Variants in ZNF583 observed in about 807,000 individuals in gnomAD.
The protein encoded by ZNF583 is zinc finger protein 583.
A neutral mutation model predicts 55.3 loss-of-function variants in ZNF583; 30 were observed. The ratio of observed to expected loss-of-function variants is 0.54; its 90% confidence interval spans 0.41 to 0.74. The LOEUF (loss-of-function observed/expected upper bound fraction) is 0.74. ZNF583 is among the 30% of genes least tolerant of loss of function. The pLI is 0.00. For synonymous variants in ZNF583, 208 were observed against 220.0 expected (o/e 0.95, Z 0.48); for missense variants, 504 against 664.7 (o/e 0.76, Z 2.66).
intron 2 of ZNF583, among the ~76,000 whole-genome samples, chr19:56,411,981 T>C (rs983753336): frequency 1.3e-5 from 2 of 152,160 alleles, no homozygotes; most frequent in Admixed American, 6.5e-5. Context: ...AAGAGTCATA[T>C]AAGAGTAGGG....
rs867775696 is a variant in ZNF583 at position 56,424,321 on chromosome 19, C to G, written c.1663C>G (p.Pro555Ala). ...ESFLTLSSPS[P>A]STSNQLPRPV... ...ATTCTTGACTCTTTCCTCTCCCTCA[C>G]CCTCCACATCAAATCAGTTGCCAAG... The change falls in exon 5 of 5, where the codon CCC becomes GCC. Residue 555 changes from proline (P) to alanine (A), a missense_variant. Around this residue, in one of 3 missense-constraint regions of ZNF583, gnomAD observed 63 missense variants for 56.5 expected, o/e 1.11. Coordinates refer to ENST00000333201, the MANE Select transcript of ZNF583 (RefSeq NM_152478.3). The G allele has an allele frequency of 8.8e-6, 14 of 1,594,306 alleles. 1 individual carries two copies. In the Middle Eastern group the frequency reaches 1.5e-3, roughly 170 times the overall value.
chr19:56,415,803 T>C (rs2042312251), intron 4 of ZNF583, among the ~76,000 whole-genome samples: 1 of 151,966 alleles, frequency 6.6e-6, no homozygotes, highest in Non-Finnish European at 1.5e-5. Context: ...TGACCTCAAA[T>C]GATCTGCCCA....
chr19:56,414,066 C>A lies in ZNF583; in HGVS notation c.117C>A (p.Tyr39Ter). The stretch of plus-strand genomic sequence containing the variant: ...ACAGGAAAGTGATGTTGGAGAACTA[C>A]AGGAGCTTGGTATCATTGGGTAAGG... ...NLYRKVMLEN[Y>*]RSLVSLGVSV... Residue 39 changes from tyrosine to a stop codon, truncating the protein, a stop_gained, in exon 3 of 5, where the codon TAC becomes TAA. Coordinates refer to ENST00000333201, the MANE Select transcript of ZNF583 (RefSeq NM_152478.3). LOFTEE classifies it high-confidence loss of function. The A allele has an allele frequency of 6.2e-7, 1 of 1,601,048 alleles. No homozygotes were observed. The highest frequency in any genetic ancestry group is 8.5e-7 in the Non-Finnish European group (1 of 1,174,476).
At position 56,414,311 on chromosome 19, in the gene ZNF583, C is replaced by A. The variant is rs368283461; in HGVS notation, c.137-34C>A. The A allele has an allele frequency of 3.1e-6, 5 of 1,602,886 alleles. No homozygotes were observed. The South Asian group carries it at 4.4e-5, about 14-fold the overall frequency. ...GCAGAAACTTGATCTTATTTATAGACCTGCCTAATTCCCCTTTTGTTTTTT... is the reference window on the plus strand; with the variant it reads ...GCAGAAACTTGATCTTATTTATAGAACTGCCTAATTCCCCTTTTGTTTTTT... On this transcript the variant is annotated intron_variant, in intron 3 of 4. Transcript: ENST00000333201.
chr19:56,413,703 T>A (rs989371955), intron 2 of ZNF583, among the ~76,000 whole-genome samples: 2 of 152,254 alleles, frequency 1.3e-5, no homozygotes, highest in Admixed American at 1.3e-4. Flanking sequence ...CAATTTTGTG[T>A]GTGTGATAAA....
rs2042490770 is a variant in ZNF583 at position 56,426,119 on chromosome 19, A to G, written c.*1751A>G. The G allele has an allele frequency of 6.6e-6, 1 of 152,224 alleles. No homozygotes were observed. Among genetic ancestry groups the G allele is most frequent in the African/African-American group, 2.4e-5 (1 of 41,468 alleles). 9.4% of individuals were successfully genotyped at this position (152,224 alleles called of 1,614,324 possible). On this transcript the variant is annotated 3_prime_UTR_variant, in exon 5 of 5. Coordinates refer to ENST00000333201, the MANE Select transcript of ZNF583 (RefSeq NM_152478.3). ...TGAATTAATTTACAGATTCTACCTAACAAAATTCTAATAAATTTTGTAAGG... is the reference window on the plus strand; with the variant it reads ...TGAATTAATTTACAGATTCTACCTAGCAAAATTCTAATAAATTTTGTAAGG...
intron 1 of ZNF583, among the ~76,000 whole-genome samples, chr19:56,406,530 CT>C (rs34274240): frequency 0.014 from 1,590 of 115,172 alleles, 6 homozygotes; most frequent in Middle Eastern, 0.026. Context: ...ATGTTGTATT[CT>C]TTTTTTTTTT....
intron 4 of ZNF583, among the ~76,000 whole-genome samples, chr19:56,419,623 C>A (rs570809920): frequency 6.6e-6 from 1 of 152,228 alleles, no homozygotes; most frequent in African/African-American, 2.4e-5. Context: ...GGTATTATTT[C>A]TTCTTTAAAT....
chr19:56,418,059 T>A (rs1322612454), intron 4 of ZNF583, among the ~76,000 whole-genome samples: 1 of 152,214 alleles, frequency 6.6e-6, no homozygotes, highest in Admixed American at 6.5e-5. Context: ...AGCTTTGTAG[T>A]AAGTTTTGAT....
Position 56,426,067 on chromosome 19 carries a change from C to G in ZNF583, c.*1699C>G, listed in dbSNP as rs1253546453. ...TATCCTTTATATGGTAAGACAGATT[C>G]ACTATCATACTGATGTCAGTAGCCC... On this transcript the variant is annotated 3_prime_UTR_variant, in exon 5 of 5. Transcript: ENST00000333201. 1 of 152,120 alleles carries G rather than the reference C, an allele frequency of 6.6e-6. No homozygotes were observed. The highest frequency in any genetic ancestry group is 1.5e-5 in the Non-Finnish European group (1 of 68,014). 9.4% of individuals were successfully genotyped at this position (152,120 alleles called of 1,614,324 possible). A position where few individuals can be genotyped will look rare whatever the true frequency, so the allele number is the denominator to read the frequency against.
In ZNF583 at chr19:56,421,058, T is replaced by C. The variant is rs572600456; in HGVS notation, c.233-1833T>C. ...TATATTATGCTTCCAGTGGGTGCTA[T>C]AGTGCAATGATGCTCAAAATGTCGT... On this transcript the variant is annotated intron_variant, in intron 4 of 4. Transcript: ENST00000333201. Among the ~76,000 whole-genome samples, 4 of 152,308 alleles carry C rather than the reference T, an allele frequency of 2.6e-5. No individual in the cohort carries two copies. The South Asian group carries it at 8.3e-4, about 32-fold the overall frequency.
Position 56,427,114 on chromosome 19 carries a change from G to T in ZNF583, c.*2746G>T, listed in dbSNP as rs1290722924. ...AGGATCCCTAGAGAAGTTCAGGCTT[G>T]GAGTTGGCTTATGTACAGGCTGTGG... On this transcript the variant is annotated 3_prime_UTR_variant, in exon 5 of 5. Coordinates refer to ENST00000333201, the MANE Select transcript of ZNF583 (RefSeq NM_152478.3). 1 of 152,080 alleles carries T rather than the reference G, an allele frequency of 6.6e-6. No individual in the cohort carries two copies. The highest frequency in any genetic ancestry group is 1.9e-4 in the East Asian group (1 of 5,184). 9.4% of individuals were successfully genotyped at this position (152,080 alleles called of 1,614,324 possible).
intron 1 of ZNF583, among the ~76,000 whole-genome samples, chr19:56,406,289 G>A (rs1488244741): frequency 6.6e-6 from 1 of 152,150 alleles, no homozygotes; most frequent in Admixed American, 6.5e-5. Context: ...CATCCTTGCA[G>A]AAAGGGTGGG....
intron 2 of ZNF583, among the ~76,000 whole-genome samples, chr19:56,409,868 C>CT (rs1242378145): frequency 6.6e-6 from 1 of 151,088 alleles, no homozygotes; most frequent in Non-Finnish European, 1.5e-5. Flanking sequence ...TCCTTTTTTG[C>CT]TTTTTTTTGG....
chr19:56,414,274 C>A, intron 3 of ZNF583, 71 bp from the exon 4 acceptor site: 2 of 1,552,906 alleles, frequency 1.3e-6, no homozygotes, highest in Non-Finnish European at 1.8e-6. Flanking sequence ...ATTCTCCCAC[C>A]TTCTTGATGA....
chr19:56,408,794 A>G (rs538934812), intron 2 of ZNF583, among the ~76,000 whole-genome samples: 161 of 152,274 alleles, frequency 1.1e-3, no homozygotes, highest in African/African-American at 3.6e-3. Context: ...TTGCCTTCCT[A>G]TCTTACTTGG....
upstream of ZNF583, chr19:56,404,317 C>G (rs781264219): frequency 6.6e-6 from 1 of 152,410 alleles, no homozygotes; most frequent in South Asian, 2.1e-4. The surrounding 1 kb of genome is among the most constrained non-coding windows in gnomAD (Gnocchi z 5.2). Context: ...CCCAGCGGCC[C>G]CTGCGGCCTG....
intron 3 of ZNF583, 65 bp from the exon 4 acceptor site, chr19:56,414,280 G>T: frequency 6.4e-7 from 1 of 1,565,194 alleles, no homozygotes; most frequent in Middle Eastern, 1.7e-4. Flanking sequence ...CCACCTTCTT[G>T]ATGATGCAGA....
chr19:56,407,103 A>G lies in ZNF583; in HGVS notation c.-12A>G. On this transcript the variant is annotated 5_prime_UTR_variant, in exon 2 of 5. Coordinates refer to ENST00000333201, the MANE Select transcript of ZNF583 (RefSeq NM_152478.3). ...GACAGAAGAACTGTCAAATTCTGGA[A>G]TCCTTAAAGCCATGTCCAAGGTAAG... 4 of 1,614,146 alleles carry G rather than the reference A, an allele frequency of 2.5e-6. No individual in the cohort carries two copies. The highest frequency in any genetic ancestry group is 3.4e-6 in the Non-Finnish European group (4 of 1,180,028).
Sources: allele counts gnomAD v4.1 joint callset (sites outside exome capture counted in the v4.1 genomes callset), GRCh38; gene constraint gnomAD v4.1.1; regional missense constraint gnomAD v4.1.1; non-coding constraint Gnocchi (gnomAD v3.1); transcripts MANE v1.5; gene names NCBI Gene and HGNC (gene_info 2026-07-23, HGNC 2026-07-21).